The following NTRK3 variants were observed in gnomAD, a reference collection of about 807,000 sequenced individuals.
The protein encoded by NTRK3 is neurotrophic receptor tyrosine kinase 3.
NTRK3 carries 24 observed loss-of-function variants against 91.7 expected under a neutral mutation model. The observed-to-expected ratio is 0.26, with a 90% CI of 0.19 to 0.37. The LOEUF (loss-of-function observed/expected upper bound fraction) is 0.37, where lower values mean the gene tolerates loss of function less well. Ranked by LOEUF, NTRK3 falls within the 10% of genes least tolerant of loss-of-function variation. NTRK3 has a pLI of 1.00. For missense variants in NTRK3, 880 were observed against 1,068.9 expected, an observed-to-expected ratio of 0.82 and a Z score of 2.46; for synonymous variants, 483 against 404.0, an observed-to-expected ratio of 1.20 and a Z score of -2.34.
At chr15:88,208,176 C>T (rs1479090907) in intron 3 of NTRK3, among the ~76,000 whole-genome samples, 1 of 152,062 alleles carries the variant, frequency 6.6e-6, no homozygotes, top group South Asian at 2.1e-4. Context: ...TCCCCAAGGC[C>T]TCCCAAACAC....
intron 9 of NTRK3, 108 bp downstream of exon 9, chr15:88,135,791 A>T (rs377010732): frequency 6.9e-7 from 1 of 1,447,700 alleles, no homozygotes; most frequent in South Asian, 1.2e-5. Flanking sequence ...CTACTGGTAG[A>T]TCAGCTCACT....
At chr15:88,078,097 C>G (rs34618005) in intron 13 of NTRK3, among the ~76,000 whole-genome samples, 1 of 152,210 alleles carries the variant, frequency 6.6e-6, no homozygotes, top group African/African-American at 2.4e-5. Flanking sequence ...CAGAGTTGGA[C>G]AGAAGCTTGA....
At chr15:88,225,765 A>T (rs2050617730) in intron 3 of NTRK3, among the ~76,000 whole-genome samples, 1 of 152,140 alleles carries the variant, frequency 6.6e-6, no homozygotes, top group Non-Finnish European at 1.5e-5. Flanking sequence ...AAACTCAGGG[A>T]GCCGACAGCC....
intron 17 of NTRK3, chr15:87,916,690 T>G: frequency 1.5e-6 from 1 of 655,524 alleles, no homozygotes; most frequent in Non-Finnish European, 2.8e-6. Context: ...CTAAATATTT[T>G]TATTCCACTG....
At chr15:88,222,685 C>T (rs541678401) in intron 3 of NTRK3, among the ~76,000 whole-genome samples, 18 of 152,266 alleles carry the variant, frequency 1.2e-4, no homozygotes, top group African/African-American at 4.3e-4. Flanking sequence ...GACAAAACTG[C>T]CACTTTCCTG....
At chr15:88,230,441 T>G (rs2051082774) in intron 3 of NTRK3, among the ~76,000 whole-genome samples, 1 of 152,216 alleles carries the variant, frequency 6.6e-6, no homozygotes, top group Non-Finnish European at 1.5e-5. Context: ...AGAAGGGCCC[T>G]GTTTGCCCCC....
intron 14 of NTRK3, among the ~76,000 whole-genome samples, chr15:87,959,342 T>C (rs1378342278): frequency 6.6e-6 from 1 of 152,214 alleles, no homozygotes; most frequent in African/African-American, 2.4e-5. Context: ...ATTCGTTAAA[T>C]AGATGAGCGG....
At chr15:87,961,361 C>G (rs1427209762) in intron 14 of NTRK3, among the ~76,000 whole-genome samples, 1 of 152,160 alleles carries the variant, frequency 6.6e-6, no homozygotes, top group Admixed American at 6.5e-5. Flanking sequence ...CATATGCCAC[C>G]GATCCCTAAA....
chr15:88,002,417 C>T (rs911335515), intron 14 of NTRK3, among the ~76,000 whole-genome samples: 1 of 151,942 alleles, frequency 6.6e-6, no homozygotes, highest in African/African-American at 2.4e-5. Flanking sequence ...TGTTTATGTG[C>T]CCCAGCCCTC....
chr15:87,931,350 T>A (rs1231846404), intron 16 of NTRK3: 1 of 391,608 alleles, frequency 2.6e-6, no homozygotes, highest in Non-Finnish European at 5.1e-6. Context: ...TTGCCTAGAT[T>A]AGAAGCTACC....
chr15:88,011,404 G>A (rs1235674937), intron 14 of NTRK3, among the ~76,000 whole-genome samples: 2 of 152,106 alleles, frequency 1.3e-5, no homozygotes, highest in East Asian at 3.9e-4. Context: ...TACAAAATAT[G>A]CACATTTCCA....
chr15:88,009,530 T>A (rs1460617842), intron 14 of NTRK3, among the ~76,000 whole-genome samples: 1 of 152,220 alleles, frequency 6.6e-6, no homozygotes, highest in East Asian at 1.9e-4. Context: ...ATGCAGAGAT[T>A]TTTTTGTGTG....
At chr15:87,905,375 C>T (rs527355212) in intron 17 of NTRK3, among the ~76,000 whole-genome samples, 71 of 152,216 alleles carry the variant, frequency 4.7e-4, no homozygotes, top group African/African-American at 1.7e-3. Context: ...GTCTCTCTTC[C>T]GCATCTAAAT....
chr15:87,913,586 T>C (rs1345311188), intron 17 of NTRK3, among the ~76,000 whole-genome samples: 2 of 152,164 alleles, frequency 1.3e-5, no homozygotes, highest in East Asian at 3.9e-4. Context: ...AACAGGCACT[T>C]GAAATCTATT....
intron 5 of NTRK3, among the ~76,000 whole-genome samples, chr15:88,165,887 G>A (rs1416985214): frequency 2.0e-5 from 3 of 152,082 alleles, no homozygotes; most frequent in Non-Finnish European, 2.9e-5. Context: ...GTGCACATGC[G>A]CATGAGCAAG....
At chr15:88,047,907 T>G (rs1002688809) in intron 13 of NTRK3, among the ~76,000 whole-genome samples, 1 of 152,174 alleles carries the variant, frequency 6.6e-6, no homozygotes, top group African/African-American at 2.4e-5. Context: ...TAGAATCAAC[T>G]GCTGTTTTGA....
intron 13 of NTRK3, among the ~76,000 whole-genome samples, chr15:88,054,377 G>A (rs2142343995): frequency 6.6e-6 from 1 of 152,262 alleles, no homozygotes; most frequent in East Asian, 1.9e-4. Context: ...GTCCCAGCCA[G>A]AACTCCTCAT....
intron 14 of NTRK3, among the ~76,000 whole-genome samples, chr15:87,970,117 T>C (rs925876238): frequency 3.9e-5 from 6 of 152,114 alleles, no homozygotes; most frequent in Admixed American, 2.6e-4. Flanking sequence ...GAGACAAATA[T>C]GGAACAAGGA....
At chr15:88,064,254 C>G (rs2142537514) in intron 13 of NTRK3, among the ~76,000 whole-genome samples, 1 of 152,312 alleles carries the variant, frequency 6.6e-6, no homozygotes, top group Middle Eastern at 3.4e-3. Context: ...AACTCCTAGC[C>G]TTCAAAACAG....
Sources: gnomAD v4.1 joint callset for allele counts (sites outside exome capture counted in the v4.1 genomes callset) on GRCh38, gnomAD v4.1.1 for gene constraint, MANE v1.5 for transcripts, NCBI Gene and HGNC (gene_info 2026-07-23, HGNC 2026-07-21) for gene names.